The following RASA1 variants were observed in gnomAD, a reference collection of about 807,000 sequenced individuals.
RASA1 encodes RAS p21 protein activator 1.
RASA1 carries 25 observed loss-of-function variants against 132.2 expected under a neutral mutation model. The observed-to-expected ratio is 0.19, with a 90% CI of 0.14 to 0.26. RASA1 has a LOEUF of 0.26. Ranked by LOEUF, RASA1 falls within the 10% of genes least tolerant of loss-of-function variation. The probability of loss-of-function intolerance (pLI) is 1.00; values close to 1 mark genes in which losing one functional copy is unlikely to be tolerated. For missense variants in RASA1, 964 were observed against 1,299.2 expected (o/e 0.74, Z 3.97); for synonymous variants, 477 against 449.9 (o/e 1.06, Z -0.76).
At chr5:87,309,336 G>A (rs1021891754) in intron 1 of RASA1, among the ~76,000 whole-genome samples, 1 of 152,094 alleles carries the variant, frequency 6.6e-6, no homozygotes, top group African/African-American at 2.4e-5. Flanking sequence ...AAAAAGAAAA[G>A]AGCAATCAGA....
chr5:87,353,822 A>G (rs1759456555), intron 9 of RASA1, among the ~76,000 whole-genome samples: 1 of 152,240 alleles, frequency 6.6e-6, no homozygotes, highest in South Asian at 2.1e-4. Flanking sequence ...CTTGAGCAAG[A>G]GAGCCTGTTA....
intron 12 of RASA1, 131 bp from the exon 13 acceptor site, chr5:87,371,987 A>G (rs1760981392): frequency 6.1e-6 from 4 of 655,786 alleles, no homozygotes; most frequent in Non-Finnish European, 1.1e-5. Flanking sequence ...GAAGTACAGT[A>G]TAGTCTGAGA....
At chr5:87,341,857 C>T (rs1233193838) in intron 6 of RASA1, among the ~76,000 whole-genome samples, 1 of 152,096 alleles carries the variant, frequency 6.6e-6, no homozygotes, top group Non-Finnish European at 1.5e-5. Context: ...TTCAGTACAA[C>T]ATTTTTTCTT....
chr5:87,372,707 G>A (rs369244856), intron 13 of RASA1, among the ~76,000 whole-genome samples: 1 of 152,004 alleles, frequency 6.6e-6, no homozygotes, highest in East Asian at 1.9e-4. Context: ...CCTTTACAAG[G>A]GTAACTTTAT....
rs1314624861 is a variant in RASA1, at chr5:87,374,220, A to G, written c.1834A>G (p.Thr612Ala). The change falls in exon 14 of 25, where the codon ACT (threonine) becomes GCT (alanine). Residue 612 changes from threonine (T) to alanine (A), a missense_variant. Physicochemically the swap from Thr to Ala is moderately conservative, Grantham distance 58 (BLOSUM62 0). This residue lies in a region of RASA1 where 346 missense variants were observed against 520.1 expected (regional missense o/e 0.67). Coordinates refer to ENST00000274376, the MANE Select transcript of RASA1 (RefSeq NM_002890.3). ...EAHKLPVKHFTNPYCNIYLNS... is the reference protein window; with the variant it reads ...EAHKLPVKHFANPYCNIYLNS... ...CCATAAACTCCCAGTAAAACATTTT[A>G]CTAATCCATATTGTAACATCTACCT... 1 of 1,591,124 alleles carries G rather than the reference A, an allele frequency of 6.3e-7. No individual in the cohort carries two copies. Among genetic ancestry groups the G allele is most frequent in the Non-Finnish European group, 8.6e-7 (1 of 1,166,728 alleles).
chr5:87,307,098 G>C (rs1755652552), intron 1 of RASA1, among the ~76,000 whole-genome samples: 1 of 152,144 alleles, frequency 6.6e-6, no homozygotes, highest in African/African-American at 2.4e-5. Flanking sequence ...TGAACTCCTG[G>C]CTTCAAGGAT....
Position 87,363,429 on chromosome 5 carries a change from G to A in RASA1, c.1535G>A (p.Arg512Gln), listed in dbSNP as rs1760264098. The change falls in exon 11 of 25, where the codon CGA becomes CAA. Residue 512 changes from arginine to glutamine, a missense_variant. Coordinates refer to ENST00000274376, the MANE Select transcript of RASA1 (RefSeq NM_002890.3). ...CTTATTTATTTTGAAAGCGAAAAAC[G>A]AGCTACCAAACCAAAAGGATTAATA... ...AQLIYFESEKRATKPKGLIDL... is the reference protein window; with the variant it reads ...AQLIYFESEKQATKPKGLIDL... 4 of 1,611,122 alleles carry A rather than the reference G, an allele frequency of 2.5e-6. No homozygotes were observed. Among genetic ancestry groups the A allele is most frequent in the South Asian group, 1.1e-5 (1 of 91,014 alleles).
intron 4 of RASA1, among the ~76,000 whole-genome samples, chr5:87,334,328 TTCC>T (rs1408442764): frequency 6.6e-6 from 1 of 152,176 alleles, no homozygotes; most frequent in Non-Finnish European, 1.5e-5. Context: ...GATGAATTTC[TTCC>T]TCCTCCATTT....
In RASA1 at chr5:87,390,979, C is replaced by G. The variant is rs983905296; in HGVS notation, c.*96C>G. On this transcript the variant is annotated 3_prime_UTR_variant, in exon 25 of 25. Coordinates refer to ENST00000274376, the MANE Select transcript of RASA1 (RefSeq NM_002890.3). ...CCTTTGCTCTTGCCAAAAAATAGCA[C>G]ACTTTTCCACATTCCAGTGATGTGT... is the stretch of plus-strand genomic sequence containing the variant. The G allele has an allele frequency of 4.8e-5, 57 of 1,199,938 alleles. No individual in the cohort carries two copies. The South Asian group carries it at 6.3e-4, about 13-fold the overall frequency. The allele number at this position is 1,199,938 out of a possible 1,614,324, so 74.3% of individuals were successfully genotyped here.
At chr5:87,269,159 A>G (rs905268383) in intron 1 of RASA1, 169 bp downstream of exon 1, 41 of 1,612,518 alleles carry the variant, frequency 2.5e-5, no homozygotes, top group Non-Finnish European at 2.6e-5. Context: ...TCTTCCTTAC[A>G]GGCATACTAC....
chr5:87,374,729 G>GTTT, intron 14 of RASA1, 111 bp from the exon 15 acceptor site: 2 of 1,151,904 alleles, frequency 1.7e-6, no homozygotes, highest in East Asian at 3.0e-5. Flanking sequence ...CTAGCACACT[G>GTTT]TTTTTTTTTT....
chr5:87,299,164 A>G (rs935206060), intron 1 of RASA1, among the ~76,000 whole-genome samples: 1 of 152,194 alleles, frequency 6.6e-6, no homozygotes, highest in African/African-American at 2.4e-5. Context: ...TATACTAAAC[A>G]AACTTTCTTG....
At chr5:87,364,984 T>G (rs1760397302) in intron 11 of RASA1, among the ~76,000 whole-genome samples, 1 of 152,144 alleles carries the variant, frequency 6.6e-6, no homozygotes, top group South Asian at 2.1e-4. Flanking sequence ...GAAATGGATG[T>G]TGGAGAGGCA....
chr5:87,273,302 A>G (rs1280584327), intron 1 of RASA1, among the ~76,000 whole-genome samples: 1 of 152,126 alleles, frequency 6.6e-6, no homozygotes, highest in Non-Finnish European at 1.5e-5. Context: ...AATATTTTTG[A>G]AAGTTTTGAG....
intron 1 of RASA1, among the ~76,000 whole-genome samples, chr5:87,282,029 G>C (rs1754342196): frequency 6.6e-6 from 1 of 152,098 alleles, no homozygotes; most frequent in Non-Finnish European, 1.5e-5. Flanking sequence ...GTCTTTTGAT[G>C]CATTTAATTT....
chr5:87,272,322 C>T (rs938728805), intron 1 of RASA1, among the ~76,000 whole-genome samples: 3 of 152,034 alleles, frequency 2.0e-5, no homozygotes, highest in Non-Finnish European at 4.4e-5. Flanking sequence ...TTAAAATTTG[C>T]CACTGAGAAG....
intron 7 of RASA1, among the ~76,000 whole-genome samples, 170 bp from the exon 8 acceptor site, chr5:87,349,044 G>GT (rs1239952514): frequency 2.6e-5 from 4 of 151,752 alleles, no homozygotes; most frequent in South Asian, 4.2e-4. Flanking sequence ...GTGGATGGTT[G>GT]TGAATCATAA....
intron 1 of RASA1, among the ~76,000 whole-genome samples, chr5:87,304,035 T>C (rs1335941071): frequency 6.6e-6 from 1 of 152,092 alleles, no homozygotes; most frequent in African/African-American, 2.4e-5. Context: ...AGTTTCACCA[T>C]GTTGACCATA....
chr5:87,286,938 A>AAGG (rs1754599743), intron 1 of RASA1, among the ~76,000 whole-genome samples: 1 of 149,300 alleles, frequency 6.7e-6, no homozygotes, highest in Non-Finnish European at 1.5e-5. Context: ...TACCATATAT[A>AAGG]TACACCATAT....
Sources: allele counts gnomAD v4.1 joint callset (sites outside exome capture counted in the v4.1 genomes callset), GRCh38; gene constraint gnomAD v4.1.1; regional missense constraint gnomAD v4.1.1; transcripts MANE v1.5; gene names NCBI Gene and HGNC (gene_info 2026-07-23, HGNC 2026-07-21).